The following IFT20 variants were observed in gnomAD, a reference collection of about 807,000 sequenced individuals.
The protein encoded by IFT20 is intraflagellar transport 20.
IFT20 carries 4 observed loss-of-function variants against 16.9 expected under a neutral mutation model. That is an observed-to-expected ratio of 0.24 (90% CI 0.12 to 0.54). IFT20 has a LOEUF of 0.54. Ranked by LOEUF, IFT20 falls within the 20% of genes least tolerant of loss-of-function variation. The pLI is 0.95. For synonymous variants in IFT20, 48 were observed against 49.9 expected (o/e 0.96, Z 0.16); for missense variants, 154 against 149.7 (o/e 1.03, Z -0.15).
chr17:28,330,147 A>G (rs781819302), intron 3 of IFT20: 2 of 622,454 alleles, frequency 3.2e-6, no homozygotes, highest in South Asian at 1.9e-5. Flanking sequence ...GAGGTGGGAG[A>G]ATCGCTTGAA....
chr17:28,332,154 C>A, intron 1 of IFT20, 167 bp from the exon 2 acceptor site: 1 of 1,544,290 alleles, frequency 6.5e-7, no homozygotes, highest in South Asian at 1.2e-5. Flanking sequence ...ACCTGTTTCC[C>A]ATCCAGGTTC....
chr17:28,330,192 C>G, intron 3 of IFT20: 1 of 617,982 alleles, frequency 1.6e-6, no homozygotes. Flanking sequence ...GCCGAGATTG[C>G]ACCAGTGCAC....
At position 28,333,072 on chromosome 17, in the gene IFT20, A is replaced by AACACACACACACACACACACACAC. The variant is rs56753724; in HGVS notation, c.-2-1109_-2-1086dup. On this transcript the variant is annotated intron_variant, in intron 1 of 4. Coordinates refer to ENST00000395418, the MANE Select transcript of IFT20 (RefSeq NM_001267776.2). ...AAAACTCACTCTTGTTCTGGCTCAAAACACACACACACACACACACACACA... is the reference window on the plus strand; with the variant it reads ...AAAACTCACTCTTGTTCTGGCTCAAAACACACACACACACACACACACACACACACACACACACACACACACACA... 2.6e-3 allele frequency among the ~76,000 whole-genome samples: 376 copies of AACACACACACACACACACACACAC among 144,544 alleles called. 3 individuals carry two copies. The highest frequency in any genetic ancestry group is 8.8e-3 in the East Asian group (41 of 4,670). The allele number at this position is 144,544 out of a possible 152,430, so 94.8% of individuals were successfully genotyped here. A position where few individuals can be genotyped will look rare whatever the true frequency, so the allele number is the denominator to read the frequency against.
At chr17:28,329,334 C>T (rs1555576085) in intron 3 of IFT20, 58 bp from the exon 4 acceptor site, 1 of 1,361,922 alleles carries the variant, frequency 7.3e-7, no homozygotes, top group African/African-American at 1.4e-5. Flanking sequence ...GCATCAAGTC[C>T]TCAAAGTGGG....
intron 1 of IFT20, among the ~76,000 whole-genome samples, chr17:28,333,334 T>C (rs1243580454): frequency 6.6e-6 from 1 of 152,248 alleles, no homozygotes; most frequent in Non-Finnish European, 1.5e-5. Flanking sequence ...TGGGGTTGGC[T>C]GTCCAGGGCA....
rs1567780201 is a variant in IFT20, at chr17:28,330,187, G to A, written c.213+256C>T. 6.4e-6 allele frequency: 4 copies of A among 621,064 alleles called. 1 individual carries two copies. Among genetic ancestry groups the A allele is most frequent in the African/African-American group, 5.7e-5 (3 of 53,026 alleles). The allele number at this position is 621,064 out of a possible 1,614,324, so 38.5% of individuals were successfully genotyped here. ...AGAGGCAGAGCTTGCAGTGAGCCGA[G>A]ATTGCACCAGTGCACTCCAGCCTGG... On this transcript the variant is annotated intron_variant, in intron 3 of 4. Transcript: ENST00000395418.
In IFT20 at chr17:28,328,713, G is replaced by C. The variant is rs1468655829; in HGVS notation, c.338C>G (p.Ala113Gly). Reference protein sequence around the residue: ...QLERYRVEYEALCKVEAEQNE... With the variant: ...QLERYRVEYEGLCKVEAEQNE... ...TTGTTCTGCTTCTACTTTACACAAA[G>C]CTTCATATTCAACCCGATACCTGAA... Residue 113 changes from alanine to glycine, a missense_variant, in exon 5 of 5, where the codon GCT becomes GGT. Transcript: ENST00000395418. The C allele has an allele frequency of 1.9e-6, 3 of 1,601,838 alleles. No individual in the cohort carries two copies. In the African/African-American group the frequency reaches 4.0e-5, roughly 22 times the overall value.
In IFT20 at chr17:28,332,378, T is replaced by C. The variant is rs1456391569; in HGVS notation, c.-2-391A>G. On this transcript the variant is annotated intron_variant, in intron 1 of 4. Coordinates refer to ENST00000395418, the MANE Select transcript of IFT20 (RefSeq NM_001267776.2). Reference sequence around the variant, plus strand: ...GGTGCCCGCCCTGAAGAGCACATAGTTCAGCTGGAAGAAGACAGACACGGA... The same window carrying C: ...GGTGCCCGCCCTGAAGAGCACATAGCTCAGCTGGAAGAAGACAGACACGGA... 1.0e-5 allele frequency: 6 copies of C among 585,878 alleles called. No homozygotes were observed. The East Asian group carries it at 1.9e-4, about 18-fold the overall frequency. 36.3% of individuals were successfully genotyped at this position (585,878 alleles called of 1,614,324 possible).
At chr17:28,332,710 G>C (rs1378887168) in intron 1 of IFT20, 1 of 156,076 alleles carries the variant, frequency 6.4e-6, no homozygotes, top group Non-Finnish European at 1.4e-5. Flanking sequence ...AATCAAAGTT[G>C]GGTCATTCTC....
At chr17:28,330,235 C>CAAA (rs34843464) in intron 3 of IFT20, 7 of 526,814 alleles carry the variant, frequency 1.3e-5, no homozygotes, top group South Asian at 4.8e-5. Context: ...GACTCTGTCT[C>CAAA]AAAAAAAAAA....
At chr17:28,331,837 A>G in intron 2 of IFT20, 22 bp downstream of exon 2, 3 of 1,614,090 alleles carry the variant, frequency 1.9e-6, no homozygotes, top group Non-Finnish European at 2.5e-6. Context: ...GCTGAGTGGC[A>G]CTGTATCTCC....
At chr17:28,333,637 T>A (rs1906935069) in intron 1 of IFT20, among the ~76,000 whole-genome samples, 1 of 152,194 alleles carries the variant, frequency 6.6e-6, no homozygotes, top group African/African-American at 2.4e-5. Flanking sequence ...AATAGGGCTT[T>A]TTAAAAAGAT....
chr17:28,332,383 C>T, intron 1 of IFT20: 1 of 574,146 alleles, frequency 1.7e-6, no homozygotes, highest in South Asian at 2.0e-5. Flanking sequence ...CATAGTTCAG[C>T]TGGAAGAAGA....
At chr17:28,331,529 A>G in intron 2 of IFT20, 1 of 232,842 alleles carries the variant, frequency 4.3e-6, no homozygotes, top group South Asian at 9.3e-5. Context: ...TGAAGAAATC[A>G]AATCATGAGT....
In IFT20 at chr17:28,332,246, A is replaced by C. The variant is rs1555576702; in HGVS notation, c.-2-259T>G. 4 of 1,528,118 alleles carry C rather than the reference A, an allele frequency of 2.6e-6. No individual in the cohort carries two copies. In the South Asian group the frequency reaches 4.8e-5, roughly 18 times the overall value. The allele number at this position is 1,528,118 out of a possible 1,614,324, so 94.7% of individuals were successfully genotyped here. A position where few individuals can be genotyped will look rare whatever the true frequency, so the allele number is the denominator to read the frequency against. On this transcript the variant is annotated intron_variant, in intron 1 of 4. Transcript: ENST00000395418. Reference sequence around the variant, plus strand: ...TAGGAGCAAGGGTCAGGAAAGAATAAAGTCCGCTTGCTTGTCACAGGCATC... The same window carrying C: ...TAGGAGCAAGGGTCAGGAAAGAATACAGTCCGCTTGCTTGTCACAGGCATC...
chr17:28,334,789 G>A (rs1225039373), intron 1 of IFT20, among the ~76,000 whole-genome samples: 1 of 152,246 alleles, frequency 6.6e-6, no homozygotes, highest in Admixed American at 6.5e-5. Context: ...TGTAAGTCGA[G>A]GTGATGGGGC....
At chr17:28,328,942 C>T (rs781884834) in intron 4 of IFT20, 5 of 617,884 alleles carry the variant, frequency 8.1e-6, no homozygotes, top group East Asian at 2.8e-5. Flanking sequence ...CAGCCAACTT[C>T]GTGGACCCTT....
chr17:28,329,213 G>T lies in IFT20; in HGVS notation c.277C>A (p.Leu93Ile), dbSNP rs143925342. 8.1e-5 allele frequency: 131 copies of T among 1,614,042 alleles called. 1 individual carries two copies. The highest frequency in any genetic ancestry group is 3.8e-5 in the Non-Finnish European group (45 of 1,180,034). Reference protein sequence around the residue: ...AKQREAQQQQLQALIAEKKMQ... With the variant: ...AKQREAQQQQIQALIAEKKMQ... ...TTCTTTTCTGCTATTAGGGCTTGAA[G>T]TTGCTGCTGTTGAGCTTCTCTCTGC... Residue 93 changes from leucine to isoleucine, a missense_variant, in exon 4 of 5, where the codon CTT becomes ATT. Transcript: ENST00000395418.
In IFT20 at chr17:28,328,380, A is replaced by G. The variant is rs980840468; in HGVS notation, c.*272T>C. The G allele has an allele frequency of 1.2e-5, 4 of 338,478 alleles. No homozygotes were observed. Among genetic ancestry groups the G allele is most frequent in the Non-Finnish European group, 2.1e-5 (4 of 187,522 alleles). 21.0% of individuals were successfully genotyped at this position (338,478 alleles called of 1,614,324 possible). ...CCTTCCAAAGCTTTGTGAATTTACAAAAAAAAGGATGAAAGTTTACAAACT... is the reference window on the plus strand; with the variant it reads ...CCTTCCAAAGCTTTGTGAATTTACAGAAAAAAGGATGAAAGTTTACAAACT... On this transcript the variant is annotated 3_prime_UTR_variant, in exon 5 of 5. Coordinates refer to ENST00000395418, the MANE Select transcript of IFT20 (RefSeq NM_001267776.2).
Sources: allele counts gnomAD v4.1 joint callset (sites outside exome capture counted in the v4.1 genomes callset), GRCh38; gene constraint gnomAD v4.1.1; transcripts MANE v1.5; gene names NCBI Gene and HGNC (gene_info 2026-07-23, HGNC 2026-07-21).